The following TMEM161A variants were observed in gnomAD, a reference collection of about 807,000 sequenced individuals.
TMEM161A encodes transmembrane protein 161A, also known as adaptive response to oxidative stress protein 29.
Under a neutral mutation model 57.1 loss-of-function variants are expected in TMEM161A, and 46 were observed. That is an observed-to-expected ratio of 0.81 (90% confidence interval 0.64 to 1.03). TMEM161A has a LOEUF of 1.03. TMEM161A is among the 50% of genes least tolerant of loss of function. TMEM161A has a pLI of 0.00. For synonymous variants in TMEM161A, 288 were observed against 279.0 expected (o/e 1.03, Z -0.32); for missense variants, 601 against 621.5 (o/e 0.97, Z 0.35).
chr19:19,132,806 G>T lies in TMEM161A; in HGVS notation c.189-52C>A. 1 of 1,411,234 alleles carries T rather than the reference G, an allele frequency of 7.1e-7. No individual in the cohort carries two copies. Among genetic ancestry groups the T allele is most frequent in the Non-Finnish European group, 9.6e-7 (1 of 1,042,836 alleles). 87.4% of individuals were successfully genotyped at this position (1,411,234 alleles called of 1,614,324 possible). The stretch of plus-strand genomic sequence containing the variant: ...GACGGTGAGCACGCATTCCACTGAG[G>T]CCAGCCACCCTCAGAGCTCAGAGCA... On this transcript the variant is annotated intron_variant, in intron 3 of 11. Transcript: ENST00000162044. This position sits in a 1 kb window ranked among gnomAD's most constrained non-coding sequence, Gnocchi z 4.3.
chr19:19,120,223 G>A, intron 11 of TMEM161A, 40 bp from the exon 12 acceptor site: 1 of 1,490,684 alleles, frequency 6.7e-7, no homozygotes, highest in Non-Finnish European at 9.0e-7. Context: ...GTGGAAAAAT[G>A]GGGGAGGGGG....
At chr19:19,126,315 T>C (rs923244540) in intron 6 of TMEM161A, among the ~76,000 whole-genome samples, 4 of 152,168 alleles carry the variant, frequency 2.6e-5, no homozygotes, top group Admixed American at 6.5e-5. Context: ...GCAAAGAAAG[T>C]GTGATGCATG....
chr19:19,122,208 C>T (rs1041486309), intron 6 of TMEM161A, among the ~76,000 whole-genome samples: 2 of 152,116 alleles, frequency 1.3e-5, no homozygotes, highest in African/African-American at 2.4e-5. Context: ...GCAGGAGAAT[C>T]GCTTGAACAT....
chr19:19,120,047 C>G lies in TMEM161A; in HGVS notation c.1323G>C (p.Leu441=), dbSNP rs1260869354. ...AARIAGALGG[L]LTPLFLRGVL... is the part of the protein sequence containing the mutation. Reference sequence around the variant, plus strand: ...CGCCACGGAGGAAGAGGGGAGTAAGCAGGCCACCCAGAGCCCCGGCAATCC... The same window carrying G: ...CGCCACGGAGGAAGAGGGGAGTAAGGAGGCCACCCAGAGCCCCGGCAATCC... Residue 441 remains leucine, a synonymous_variant, in exon 12 of 12, where the codon CTG becomes CTC. Transcript: ENST00000162044. 4 of 1,600,840 alleles carry G rather than the reference C, an allele frequency of 2.5e-6. No individual in the cohort carries two copies. The highest frequency in any genetic ancestry group is 2.7e-5 in the African/African-American group (2 of 74,862).
chr19:19,134,453 TTGTC>T (rs1404476495), intron 2 of TMEM161A, among the ~76,000 whole-genome samples: 2 of 151,708 alleles, frequency 1.3e-5, no homozygotes, highest in Non-Finnish European at 2.9e-5. Flanking sequence ...AATTTAAAAA[TTGTC>T]TGGGCATGGT....
chr19:19,120,439 G>A (rs2059903241), intron 11 of TMEM161A, among the ~76,000 whole-genome samples: 1 of 85,776 alleles, frequency 1.2e-5, no homozygotes, highest in African/African-American at 4.6e-5. Flanking sequence ...CTGCCAAGAC[G>A]CAACCCCTCC....
At chr19:19,133,039 C>T in intron 3 of TMEM161A, 91 bp downstream of exon 3, 1 of 1,265,412 alleles carries the variant, frequency 7.9e-7, no homozygotes, top group South Asian at 1.4e-5. Flanking sequence ...GGTCCTGTGT[C>T]CCTGAGCCCA....
chr19:19,121,529 G>C lies in TMEM161A; in HGVS notation c.796C>G (p.Leu266Val), dbSNP rs755336226. The change falls in exon 8 of 12, where the codon CTG becomes GTG. Residue 266 changes from leucine to valine, a missense_variant. Coordinates refer to ENST00000162044, the MANE Select transcript of TMEM161A (RefSeq NM_017814.3). The surrounding 1 kb of genome is among the most constrained non-coding windows in gnomAD (Gnocchi z 5.8). ...CCACCAAGCGACCCACTTAACTGCA[G>C]CATGGGTCTGTCCTCCGACATGGTC... The part of the protein sequence containing the change: ...ALTMSEDRPM[L>V]QFLLHTSFLS... 8 of 1,613,934 alleles carry C rather than the reference G, an allele frequency of 5.0e-6. No individual in the cohort carries two copies. The South Asian group carries it at 8.8e-5, about 18-fold the overall frequency.
At chr19:19,133,964 T>C (rs1013643287) in intron 2 of TMEM161A, among the ~76,000 whole-genome samples, 1 of 152,016 alleles carries the variant, frequency 6.6e-6, no homozygotes, top group Non-Finnish European at 1.5e-5. Flanking sequence ...AGAGACAGGG[T>C]CTTGCCATGT....
chr19:19,130,251 C>T lies in TMEM161A; in HGVS notation c.500G>A (p.Arg167His), dbSNP rs773542916. 22 of 1,613,870 alleles carry T rather than the reference C, an allele frequency of 1.4e-5. No homozygotes were observed. Among genetic ancestry groups the T allele is most frequent in the South Asian group, 6.6e-5 (6 of 91,086 alleles). The change falls in exon 6 of 12, where the codon CGC (arginine) becomes CAC (histidine). Residue 167 changes from arginine (R) to histidine (H), a missense_variant. Transcript: ENST00000162044. ...LYFSAEEGGERSVCLTFAFLF... is the reference protein window; with the variant it reads ...LYFSAEEGGEHSVCLTFAFLF... ...GAAGGCAAAGGTGAGGCAGACAGAG[C>T]GCTCACCCCCCTCCTCGGCGCTGAA... is the stretch of plus-strand genomic sequence containing the variant.
intron 6 of TMEM161A, among the ~76,000 whole-genome samples, chr19:19,126,868 A>C (rs913679761): frequency 6.6e-6 from 1 of 152,016 alleles, no homozygotes; most frequent in Non-Finnish European, 1.5e-5. Context: ...AGACTGTCTC[A>C]AAAAATAAAA....
At position 19,130,242 on chromosome 19, in the gene TMEM161A, C is replaced by A. The variant is rs1464707273; in HGVS notation, c.509G>T (p.Cys170Phe). ...SAEEGGERSVCLTFAFLFLLL... is the reference protein window; with the variant it reads ...SAEEGGERSVFLTFAFLFLLL... Reference sequence around the variant, plus strand: ...CAGGAAGAGGAAGGCAAAGGTGAGGCAGACAGAGCGCTCACCCCCCTCCTC... The same window carrying A: ...CAGGAAGAGGAAGGCAAAGGTGAGGAAGACAGAGCGCTCACCCCCCTCCTC... Residue 170 changes from cysteine to phenylalanine, a missense_variant, in exon 6 of 12, where the codon TGC becomes TTC. Coordinates refer to ENST00000162044, the MANE Select transcript of TMEM161A (RefSeq NM_017814.3). 3.1e-6 allele frequency: 5 copies of A among 1,613,828 alleles called. No homozygotes were observed. Among genetic ancestry groups the A allele is most frequent in the Non-Finnish European group, 4.2e-6 (5 of 1,180,048 alleles).
In TMEM161A at chr19:19,120,143, G is replaced by A; in HGVS notation, c.1227C>T (p.Ser409=). ...SWGLGPAPLL[S]PDPSSASAAP... is the part of the protein sequence containing the mutation. ...CAGCGCTGGCTGAGGATGGGTCGGG[G>A]GATAGTAGAGGAGCTGGGCCCAGGC... The change falls in exon 12 of 12, where the codon TCC becomes TCT. Residue 409 remains serine (S), a synonymous_variant. Coordinates refer to ENST00000162044, the MANE Select transcript of TMEM161A (RefSeq NM_017814.3). 1.9e-6 allele frequency: 3 copies of A among 1,561,542 alleles called. No homozygotes were observed. The highest frequency in any genetic ancestry group is 1.4e-5 in the African/African-American group (1 of 74,008).
At position 19,134,779 on chromosome 19, in the gene TMEM161A, C is replaced by T; in HGVS notation, c.107+5G>A. On this transcript the variant is annotated splice_donor_5th_base_variant and intron_variant, in intron 2 of 11. Coordinates refer to ENST00000162044, the MANE Select transcript of TMEM161A (RefSeq NM_017814.3). ...GGCCCCTCCCACCGCCGGGGCGGGG[C>T]TCACCTGCCGTTACAGAGCAGCCAG... 1 of 1,556,256 alleles carries T rather than the reference C, an allele frequency of 6.4e-7. No homozygotes were observed. The highest frequency in any genetic ancestry group is 8.7e-7 in the Non-Finnish European group (1 of 1,153,406).
chr19:19,125,579 C>G (rs576789096), intron 6 of TMEM161A, among the ~76,000 whole-genome samples: 2 of 146,732 alleles, frequency 1.4e-5, no homozygotes, highest in African/African-American at 5.0e-5. Flanking sequence ...TGCAGTGGCG[C>G]GATCTTGGCT....
rs778323850 is a variant in TMEM161A, at chr19:19,132,318, C to T, written c.443+34G>A. ...GGGAAGCTCAGGTCCTGCTCCCACCCGCCCCACTGGCAGGGAGCAGAGAGG... is the reference window on the plus strand; with the variant it reads ...GGGAAGCTCAGGTCCTGCTCCCACCTGCCCCACTGGCAGGGAGCAGAGAGG... On this transcript the variant is annotated intron_variant, in intron 5 of 11. Coordinates refer to ENST00000162044, the MANE Select transcript of TMEM161A (RefSeq NM_017814.3). The surrounding 1 kb of genome is among the most constrained non-coding windows in gnomAD (Gnocchi z 4.3). 1.5e-5 allele frequency: 24 copies of T among 1,591,334 alleles called. No individual in the cohort carries two copies. In the Middle Eastern group the frequency reaches 5.1e-4, roughly 34 times the overall value.
intron 6 of TMEM161A, among the ~76,000 whole-genome samples, chr19:19,127,412 T>C (rs1396056692): frequency 1.3e-5 from 2 of 148,674 alleles, no homozygotes; most frequent in African/African-American, 2.5e-5. Context: ...CGCCGCCTCC[T>C]GGGTTCACAC....
At chr19:19,125,766 T>C (rs2059927933) in intron 6 of TMEM161A, among the ~76,000 whole-genome samples, 2 of 151,932 alleles carry the variant, frequency 1.3e-5, no homozygotes, top group Admixed American at 1.3e-4. Flanking sequence ...TGTGCCCATC[T>C]CGGCCTCCCA....
At chr19:19,120,674 C>A (rs2059904602) in intron 11 of TMEM161A, 91 bp downstream of exon 11, 3 of 1,242,346 alleles carry the variant, frequency 2.4e-6, no homozygotes, top group East Asian at 4.7e-5. Context: ...CCGCCTCTCC[C>A]CCCCCACCGC....
Sources: allele counts gnomAD v4.1 joint callset (sites outside exome capture counted in the v4.1 genomes callset), GRCh38; gene constraint gnomAD v4.1.1; non-coding constraint Gnocchi (gnomAD v3.1); transcripts MANE v1.5; gene names NCBI Gene and HGNC (gene_info 2026-07-23, HGNC 2026-07-21).